Variants in EDNRA observed in about 807,000 individuals in gnomAD.
EDNRA encodes endothelin receptor type A, also known as endothelin-1 receptor.
EDNRA carries 11 observed loss-of-function variants against 41.4 expected under a neutral mutation model. The ratio of observed to expected loss-of-function variants is 0.27; its 90% CI spans 0.17 to 0.44. EDNRA has a LOEUF of 0.44. EDNRA is among the 20% of genes least tolerant of loss of function. The probability of loss-of-function intolerance (pLI) is 1.00; values close to 1 mark genes in which losing one functional copy is unlikely to be tolerated. For missense variants in EDNRA, 294 were observed against 531.0 expected, an observed-to-expected ratio of 0.55 and a Z score of 4.39; for synonymous variants, 172 against 183.0, an observed-to-expected ratio of 0.94 and a Z score of 0.49.
At chr4:147,510,328 T>C (rs968341133) in intron 2 of EDNRA, among the ~76,000 whole-genome samples, 1 of 152,176 alleles carries the variant, frequency 6.6e-6, no homozygotes, top group Non-Finnish European at 1.5e-5. Flanking sequence ...ATATTTTTTG[T>C]TCTACTAAAA....
At chr4:147,485,488 T>G in intron 1 of EDNRA, 124 bp from the exon 2 acceptor site, 1 of 691,722 alleles carries the variant, frequency 1.4e-6, no homozygotes, top group Non-Finnish European at 2.3e-6. Flanking sequence ...TAACCTGATA[T>G]ACATATATCT....
intron 3 of EDNRA, among the ~76,000 whole-genome samples, chr4:147,530,574 A>G (rs1326300663): frequency 2.0e-5 from 3 of 152,230 alleles, no homozygotes; most frequent in Non-Finnish European, 4.4e-5. Context: ...AAAATCTTTT[A>G]TAAAACATTT....
At position 147,542,882 on chromosome 4, in the gene EDNRA, G is replaced by A. The variant is rs200034960; in HGVS notation, c.*264G>A. 5.3e-5 allele frequency: 18 copies of A among 339,822 alleles called. No individual in the cohort carries two copies. The highest frequency in any genetic ancestry group is 9.0e-5 in the Non-Finnish European group (17 of 187,850). The allele number at this position is 339,822 out of a possible 1,614,324, so 21.1% of individuals were successfully genotyped here. ...AAAATGGTGGGAGCTGGGGGAGAAT[G>A]AAGACTGTTAAATGAAACCAGAAGG... is the stretch of plus-strand genomic sequence containing the variant. On this transcript the variant is annotated 3_prime_UTR_variant, in exon 8 of 8. Transcript: ENST00000651419.
At chr4:147,506,143 T>C (rs1729709163) in intron 2 of EDNRA, 1 of 527,674 alleles carries the variant, frequency 1.9e-6, no homozygotes, top group Non-Finnish European at 3.8e-6. Context: ...AGAGGTGAAG[T>C]TGGGAAACTG....
intron 2 of EDNRA, among the ~76,000 whole-genome samples, chr4:147,497,793 G>C (rs575749424): frequency 2.6e-5 from 4 of 152,030 alleles, no homozygotes; most frequent in Admixed American, 1.3e-4. Flanking sequence ...AGGACGGTCT[G>C]CATCTCCTGA....
chr4:147,506,440 T>G (rs1050874102), intron 2 of EDNRA: 2 of 384,656 alleles, frequency 5.2e-6, no homozygotes, highest in Non-Finnish European at 1.0e-5. Flanking sequence ...TCCAAACCTG[T>G]AAGGCTATCA....
intron 2 of EDNRA, among the ~76,000 whole-genome samples, chr4:147,497,002 A>G (rs1040613252): frequency 2.6e-5 from 4 of 152,084 alleles, no homozygotes; most frequent in Non-Finnish European, 4.4e-5. Context: ...ATGTATCAAC[A>G]TAGATAGCTG....
chr4:147,484,912 T>C (rs1237919159), intron 1 of EDNRA, among the ~76,000 whole-genome samples: 1 of 152,246 alleles, frequency 6.6e-6, no homozygotes, highest in Non-Finnish European at 1.5e-5. Flanking sequence ...TAACCAGAGT[T>C]CTCATTAACA....
At chr4:147,503,619 A>G (rs1729588291) in intron 2 of EDNRA, among the ~76,000 whole-genome samples, 1 of 152,232 alleles carries the variant, frequency 6.6e-6, no homozygotes. Context: ...AGGAAGAGAA[A>G]TACAGATTGT....
rs899115126 is a variant in EDNRA, at chr4:147,542,603, G to C, written c.1269G>C (p.Lys423Asn). 1 of 1,614,042 alleles carries C rather than the reference G, an allele frequency of 6.2e-7. No homozygotes were observed. Among genetic ancestry groups the C allele is most frequent in the African/African-American group, 1.3e-5 (1 of 75,030 alleles). The change falls in exon 8 of 8, where the codon AAG becomes AAC. Residue 423 changes from lysine (K) to asparagine (N), a missense_variant. Lys to Asn is a moderately conservative substitution (Grantham distance 94). Transcript: ENST00000651419. Reference sequence around the variant, plus strand: ...ACAACACAGACCGGAGCAGCCATAAGGACAGCATGAACTGACCACCCTTAG... The same window carrying C: ...ACAACACAGACCGGAGCAGCCATAACGACAGCATGAACTGACCACCCTTAG... ...NNHNTDRSSH[K>N]DSMN is the part of the protein sequence containing the mutation.
At position 147,543,645 on chromosome 4, in the gene EDNRA, T is replaced by C. The variant is rs1731190386; in HGVS notation, c.*1027T>C. 6.6e-6 allele frequency: 1 copy of C among 152,314 alleles called. No homozygotes were observed. The highest frequency in any genetic ancestry group is 1.5e-5 in the Non-Finnish European group (1 of 68,040). The allele number at this position is 152,314 out of a possible 1,614,324, so 9.4% of individuals were successfully genotyped here. ...GAAATTTTCATTCAGGTATTTGTAA[T>C]AGTGACATATATATGTATATACATA... On this transcript the variant is annotated 3_prime_UTR_variant, in exon 8 of 8. Transcript: ENST00000651419.
chr4:147,494,700 G>A (rs774803770), intron 2 of EDNRA: 1 of 152,218 alleles, frequency 6.6e-6, no homozygotes, highest in Non-Finnish European at 1.5e-5. Flanking sequence ...AGTGAAGGGA[G>A]ACACTATTAT....
intron 7 of EDNRA, among the ~76,000 whole-genome samples, chr4:147,541,825 A>G (rs1731113612): frequency 1.3e-5 from 2 of 152,200 alleles, no homozygotes; most frequent in African/African-American, 2.4e-5. Context: ...AAATTAGTAC[A>G]TTATATAAGG....
intron 3 of EDNRA, among the ~76,000 whole-genome samples, chr4:147,520,762 C>T (rs1241752707): frequency 6.6e-6 from 1 of 152,196 alleles, no homozygotes; most frequent in Non-Finnish European, 1.5e-5. Context: ...CTAACTCATT[C>T]CCTGACAATC....
chr4:147,507,374 G>A (rs1729754446), intron 2 of EDNRA, among the ~76,000 whole-genome samples: 1 of 152,186 alleles, frequency 6.6e-6, no homozygotes, highest in Non-Finnish European at 1.5e-5. Flanking sequence ...ACAAGTCACT[G>A]TTACACACAA....
At chr4:147,538,829 C>T (rs1281967919) in intron 5 of EDNRA, among the ~76,000 whole-genome samples, 1 of 152,114 alleles carries the variant, frequency 6.6e-6, no homozygotes, top group Admixed American at 6.5e-5. Flanking sequence ...GCTTCCCGGA[C>T]TTAATGTTAT....
At chr4:147,542,344 A>C (rs1439883238) in intron 7 of EDNRA, 134 bp from the exon 8 acceptor site, 1 of 1,204,080 alleles carries the variant, frequency 8.3e-7, no homozygotes, top group Non-Finnish European at 1.2e-6. Context: ...TCTCCACTCT[A>C]GGTTACTGTC....
At chr4:147,510,565 CCACTT>C (rs1231445827) in intron 2 of EDNRA, among the ~76,000 whole-genome samples, 2 of 152,106 alleles carry the variant, frequency 1.3e-5, no homozygotes, top group African/African-American at 4.8e-5. Flanking sequence ...CTTAAAATCT[CCACTT>C]AACTGATATT....
intron 3 of EDNRA, among the ~76,000 whole-genome samples, chr4:147,528,566 G>A (rs1730637575): frequency 6.6e-6 from 1 of 152,008 alleles, no homozygotes; most frequent in Admixed American, 6.6e-5. Flanking sequence ...TGCCCAGGGT[G>A]TCAAGCGATC....
Sources: gnomAD v4.1 joint callset for allele counts (sites outside exome capture counted in the v4.1 genomes callset) on GRCh38, gnomAD v4.1.1 for gene constraint, MANE v1.5 for transcripts, NCBI Gene and HGNC (gene_info 2026-07-23, HGNC 2026-07-21) for gene names.